CIBAR2: variants seen among roughly 807,000 people sequenced by gnomAD.
CIBAR2 encodes the protein CBY1 interacting BAR domain containing 2.
A neutral mutation model predicts 36.2 loss-of-function variants in CIBAR2; 38 were observed. The observed-to-expected ratio is 1.05, with a 90% CI of 0.81 to 1.38. The LOEUF (loss-of-function observed/expected upper bound fraction) is 1.38, where lower values mean the gene tolerates loss of function less well. CIBAR2 is among the 40% of genes most tolerant of loss of function. CIBAR2 has a pLI of 0.00. For missense variants in CIBAR2, 481 were observed against 383.4 expected, an observed-to-expected ratio of 1.25 and a Z score of -2.13; for synonymous variants, 182 against 149.5, an observed-to-expected ratio of 1.22 and a Z score of -1.58.
At chr16:85,109,410 G>A (rs576300744) in intron 2 of CIBAR2, among the ~76,000 whole-genome samples, 1 of 152,306 alleles carries the variant, frequency 6.6e-6, no homozygotes, top group South Asian at 2.1e-4. Flanking sequence ...GGTTGTGTCT[G>A]CCTGCCTGGA....
intron 5 of CIBAR2, among the ~76,000 whole-genome samples, chr16:85,106,866 G>A (rs2073999883): frequency 6.6e-6 from 1 of 152,212 alleles, no homozygotes; most frequent in African/African-American, 2.4e-5. Context: ...TCCATCAAGG[G>A]GCACTCTTTG....
In CIBAR2 at chr16:85,099,338, C is replaced by T; in HGVS notation, c.762G>A (p.Leu254=). 1 of 1,556,364 alleles carries T rather than the reference C, an allele frequency of 6.4e-7. No homozygotes were observed. The highest frequency in any genetic ancestry group is 1.7e-5 in the Admixed American group (1 of 59,942). ...CATTTGCCCTACTCAGCTGGACCTG[C>T]AGAGTTCCCTGCAGAAATATAAATG... ...VLQSLASQGT[L]QVQLSRANED... The change falls in exon 9 of 9, where the codon CTG becomes CTA. Residue 254 remains leucine, a synonymous_variant. Transcript: ENST00000539556.
intron 5 of CIBAR2, among the ~76,000 whole-genome samples, chr16:85,106,845 G>A (rs1375142837): frequency 6.6e-6 from 1 of 152,304 alleles, no homozygotes; most frequent in East Asian, 1.9e-4. Flanking sequence ...GGTGAGGACC[G>A]CTGACTTAGC....
rs374944354 is a variant in CIBAR2 at position 85,105,893 on chromosome 16, A to G, written c.433-462T>C. On this transcript the variant is annotated intron_variant, in intron 5 of 8. Coordinates refer to ENST00000539556, the MANE Select transcript of CIBAR2 (RefSeq NM_198491.3). ...CGCTTACTCCATGCCAAGCCCAGAC[A>G]TGAAGAATCTGGCTTTTAGAGTCAA... Among the ~76,000 whole-genome samples the G allele has an allele frequency of 1.1e-4, 16 of 152,364 alleles. No homozygotes were observed. In the South Asian group the frequency reaches 3.1e-3, roughly 30 times the overall value.
intron 6 of CIBAR2, among the ~76,000 whole-genome samples, chr16:85,103,992 C>T (rs1044880017): frequency 6.6e-6 from 1 of 152,232 alleles, no homozygotes; most frequent in Admixed American, 6.5e-5. Flanking sequence ...GCATGGTGTA[C>T]CCAGCATCAG....
At chr16:85,103,498 A>G (rs962017887) in intron 6 of CIBAR2, among the ~76,000 whole-genome samples, 3 of 152,106 alleles carry the variant, frequency 2.0e-5, no homozygotes, top group Non-Finnish European at 4.4e-5. Context: ...TACAAATTTA[A>G]TCCCAGAACT....
chr16:85,103,050 T>C (rs1037351496), intron 6 of CIBAR2, among the ~76,000 whole-genome samples: 3 of 152,078 alleles, frequency 2.0e-5, no homozygotes, highest in African/African-American at 7.2e-5. Flanking sequence ...TACAGATGTG[T>C]GCCACCACGC....
At chr16:85,100,934 C>T (rs1328169221) in intron 7 of CIBAR2, among the ~76,000 whole-genome samples, 2 of 152,122 alleles carry the variant, frequency 1.3e-5, no homozygotes, top group South Asian at 2.1e-4. Flanking sequence ...GTAGTCCCAG[C>T]TACTCGGGAG....
chr16:85,111,656 G>C (rs2144182391), intron 1 of CIBAR2, among the ~76,000 whole-genome samples: 1 of 152,288 alleles, frequency 6.6e-6, no homozygotes, highest in East Asian at 1.9e-4. Context: ...GACCACCCTG[G>C]GCAACATGGT....
intron 7 of CIBAR2, among the ~76,000 whole-genome samples, chr16:85,101,552 T>C (rs757633369): frequency 6.6e-6 from 1 of 152,288 alleles, no homozygotes; most frequent in South Asian, 2.1e-4. Flanking sequence ...CGCAAACAGC[T>C]CATTCTAGAT....
Position 85,100,165 on chromosome 16 carries a change from A to T in CIBAR2, c.727T>A (p.Ser243Thr). The T allele has an allele frequency of 1.2e-6, 2 of 1,611,200 alleles. No homozygotes were observed. Among genetic ancestry groups the T allele is most frequent in the East Asian group, 4.5e-5 (2 of 44,820 alleles). Residue 243 changes from serine to threonine, a missense_variant, in exon 8 of 9, where the codon TCT (serine) becomes ACT (threonine). Transcript: ENST00000539556. ...TGGCTGGCGAGAGACTGAAGAACAGATGGAGGGGGGCTGGTGTTGGCAAGC... is the reference window on the plus strand; with the variant it reads ...TGGCTGGCGAGAGACTGAAGAACAGTTGGAGGGGGGCTGGTGTTGGCAAGC... ...RLLANTSPPP[S>T]VLQSLASQGT...
chr16:85,101,790 C>T (rs893452914), intron 7 of CIBAR2, among the ~76,000 whole-genome samples: 4 of 152,080 alleles, frequency 2.6e-5, no homozygotes, highest in Non-Finnish European at 5.9e-5. Context: ...CTGCCTCAGC[C>T]TCCCGAGTAG....
At chr16:85,100,911 A>G (rs574133798) in intron 7 of CIBAR2, among the ~76,000 whole-genome samples, 34 of 152,226 alleles carry the variant, frequency 2.2e-4, no homozygotes, top group African/African-American at 7.2e-4. Flanking sequence ...GCTGGGCGTG[A>G]TGGAGGGCGC....
Position 85,110,308 on chromosome 16 carries a change from T to C in CIBAR2, c.173A>G (p.Asn58Ser). The change falls in exon 2 of 9, where the codon AAC becomes AGC. Residue 58 changes from asparagine to serine, a missense_variant. Transcript: ENST00000539556. ...QLVKQLIDFA[N>S]SENPELRATM... ...GGCCCGCAGCTCGGGGTTCTCGGAGTTGGCAAAGTCGATGAGCTGCTTGAC... is the reference window on the plus strand; with the variant it reads ...GGCCCGCAGCTCGGGGTTCTCGGAGCTGGCAAAGTCGATGAGCTGCTTGAC... The C allele has an allele frequency of 1.2e-6, 2 of 1,611,880 alleles. No homozygotes were observed. Among genetic ancestry groups the C allele is most frequent in the Non-Finnish European group, 8.5e-7 (1 of 1,178,726 alleles).
chr16:85,110,391 C>CGA lies in CIBAR2; in HGVS notation c.88_89dup (p.Leu31ArgfsTer39). 6.2e-7 allele frequency: 1 copy of CGA among 1,613,486 alleles called. No individual in the cohort carries two copies. Among genetic ancestry groups the CGA allele is most frequent in the East Asian group, 2.2e-5 (1 of 44,878 alleles). Reference sequence around the variant, plus strand: ...TCTTGCGCGTGTAGGCGGCCAGCAGCGAGCAGAACTGCCCAAAGTACTTCT... The same window carrying CGA: ...TCTTGCGCGTGTAGGCGGCCAGCAGCGAGAGCAGAACTGCCCAAAGTACTTCT... On this transcript the variant is annotated frameshift_variant, in exon 2 of 9. Coordinates refer to ENST00000539556, the MANE Select transcript of CIBAR2 (RefSeq NM_198491.3). LOFTEE classifies it high-confidence loss of function.
intron 8 of CIBAR2, among the ~76,000 whole-genome samples, 196 bp from the exon 9 acceptor site, chr16:85,099,542 A>G (rs2144148990): frequency 6.6e-6 from 1 of 151,882 alleles, no homozygotes. Flanking sequence ...GAGTGCCTCC[A>G]GGGAGTGCTC....
chr16:85,105,737 T>C (rs2073991178), intron 5 of CIBAR2, among the ~76,000 whole-genome samples: 1 of 152,224 alleles, frequency 6.6e-6, no homozygotes, highest in Non-Finnish European at 1.5e-5. Context: ...AGCAGGGCTG[T>C]TGTAGAAATT....
Position 85,110,260 on chromosome 16 carries a change from T to A in CIBAR2, c.221A>T (p.Asp74Val), listed in dbSNP as rs1254720292. The change falls in exon 2 of 9, where the codon GAC (aspartate) becomes GTC (valine). Residue 74 changes from aspartate to valine, a missense_variant. Physicochemically the swap from Asp to Val is radical, Grantham distance 152. Transcript: ENST00000539556. ...LRATMRGFAE[D>V]LAKVQDYRQA... is the part of the protein sequence containing the mutation. ...CCGGTAATCCTGCACTTTGGCCAGG[T>A]CCTCAGCGAAGCCCCTCATGGTGGC... 1 of 1,594,616 alleles carries A rather than the reference T, an allele frequency of 6.3e-7. No individual in the cohort carries two copies. The highest frequency in any genetic ancestry group is 1.7e-5 in the Admixed American group (1 of 58,164).
chr16:85,105,351 C>G lies in CIBAR2; in HGVS notation c.513G>C (p.Gln171His), dbSNP rs1170441590. 1 of 1,613,488 alleles carries G rather than the reference C, an allele frequency of 6.2e-7. No homozygotes were observed. Among genetic ancestry groups the G allele is most frequent in the African/African-American group, 1.3e-5 (1 of 75,070 alleles). The change falls in exon 6 of 9, where the codon CAG becomes CAC. Residue 171 changes from glutamine (Q) to histidine (H), a missense_variant. Coordinates refer to ENST00000539556, the MANE Select transcript of CIBAR2 (RefSeq NM_198491.3). Reference sequence around the variant, plus strand: ...CCTGCAGGTCCTTGAGCTTCTGCCTCTGGAAGCCATCCACAGTCTCCTCCA... The same window carrying G: ...CCTGCAGGTCCTTGAGCTTCTGCCTGTGGAAGCCATCCACAGTCTCCTCCA... ...LQLEETVDGF[Q>H]RQKLKDLQKF...
Sources: gnomAD v4.1 joint callset for allele counts (sites outside exome capture counted in the v4.1 genomes callset) on GRCh38, gnomAD v4.1.1 for gene constraint, MANE v1.5 for transcripts, NCBI Gene and HGNC (gene_info 2026-07-23, HGNC 2026-07-21) for gene names.